PARP11: variants seen among roughly 807,000 people sequenced by gnomAD.
PARP11 encodes the protein protein mono-ADP-ribosyltransferase PARP11.
In PARP11, 31 loss-of-function variants were observed where a neutral mutation model predicts 42.9. The ratio of observed to expected loss-of-function variants is 0.72; its 90% CI spans 0.54 to 0.98. The LOEUF (loss-of-function observed/expected upper bound fraction) is 0.98. Ranked by LOEUF, PARP11 falls within the 50% of genes least tolerant of loss-of-function variation. The probability of loss-of-function intolerance (pLI) is 0.00; values close to 1 mark genes in which losing one functional copy is unlikely to be tolerated. For synonymous variants in PARP11, 137 were observed against 127.3 expected (o/e 1.08, Z -0.51); for missense variants, 365 against 413.1 (o/e 0.88, Z 1.01).
At chr12:3,870,736 A>G (rs1043754185) in intron 1 of PARP11, among the ~76,000 whole-genome samples, 4 of 152,214 alleles carry the variant, frequency 2.6e-5, no homozygotes, top group African/African-American at 9.6e-5. Flanking sequence ...ATCTTACAAT[A>G]TAGTGAAAGA....
At chr12:3,825,528 A>G (rs1947501410) in intron 4 of PARP11, among the ~76,000 whole-genome samples, 1 of 152,210 alleles carries the variant, frequency 6.6e-6, no homozygotes, top group South Asian at 2.1e-4. Context: ...CAAGTTAACA[A>G]TTTAAACTTA....
At chr12:3,824,820 G>A (rs1947482691) in intron 4 of PARP11, 1 of 154,882 alleles carries the variant, frequency 6.5e-6, no homozygotes, top group Admixed American at 6.5e-5. Context: ...ACTTTCTGAA[G>A]ATAAGTAATT....
rs368852660 is a variant in PARP11, at chr12:3,841,685, C to T, written c.19-11667G>A. 7.4e-6 allele frequency: 12 copies of T among 1,613,392 alleles called. No homozygotes were observed. In the African/African-American group the frequency reaches 1.2e-4, roughly 16 times the overall value. ...TCACTGAGTGGCAAGAATATGTTCC[C>T]CCAGCCATCTTTTGGACCCAATCCA... is the stretch of plus-strand genomic sequence containing the variant. On this transcript the variant is annotated intron_variant, in intron 1 of 7. Transcript: ENST00000228820.
At chr12:3,855,805 C>T (rs1948178874) in intron 1 of PARP11, among the ~76,000 whole-genome samples, 1 of 152,134 alleles carries the variant, frequency 6.6e-6, no homozygotes, top group Non-Finnish European at 1.5e-5. Context: ...CAAAAAAGAG[C>T]CCACATTGCC....
chr12:3,826,626 G>C (rs1479548097), intron 3 of PARP11, among the ~76,000 whole-genome samples: 1 of 152,154 alleles, frequency 6.6e-6, no homozygotes, highest in Non-Finnish European at 1.5e-5. Context: ...TTATTAAGAA[G>C]AAAAATGTAC....
At chr12:3,839,473 C>G in intron 1 of PARP11, 1 of 1,612,242 alleles carries the variant, frequency 6.2e-7, no homozygotes, top group Non-Finnish European at 8.5e-7. Context: ...ATTGCACTCT[C>G]AGTCTCGCCA....
intron 1 of PARP11, chr12:3,839,536 T>G: frequency 6.4e-7 from 1 of 1,568,334 alleles, no homozygotes; most frequent in East Asian, 2.2e-5. Flanking sequence ...CAGAGAGAAA[T>G]TTGAAGCGAT....
At chr12:3,870,984 G>A (rs908011416) in intron 1 of PARP11, among the ~76,000 whole-genome samples, 2 of 152,312 alleles carry the variant, frequency 1.3e-5, no homozygotes, top group African/African-American at 4.8e-5. Context: ...GCAGCTTGAA[G>A]AGAGTATTAT....
Position 3,828,995 on chromosome 12 carries a change from T to C in PARP11, c.183A>G (p.Glu61=). Residue 61 remains glutamate, a synonymous_variant, in exon 3 of 8, where the codon GAA becomes GAG. Transcript: ENST00000228820. ...TTGTTTTGAAGCTTTTTTCGATATC[T>C]TCACTGCTAACTGAACACTGACTGT... is the stretch of plus-strand genomic sequence containing the variant. The part of the protein sequence containing the change: ...DTNSQCSVSS[E]DIEKSFKTNP... 6.2e-7 allele frequency: 1 copy of C among 1,614,056 alleles called. No individual in the cohort carries two copies. The highest frequency in any genetic ancestry group is 8.5e-7 in the Non-Finnish European group (1 of 1,179,936).
rs1228720017 is a variant in PARP11 at position 3,812,348 on chromosome 12, G to C, written c.792C>G (p.Ser264Arg). 5 of 1,613,990 alleles carry C rather than the reference G, an allele frequency of 3.1e-6. No homozygotes were observed. The highest frequency in any genetic ancestry group is 1.7e-5 in the Admixed American group (1 of 60,008). Residue 264 changes from serine to arginine, a missense_variant, in exon 8 of 8, where the codon AGC becomes AGG. Coordinates refer to ENST00000228820, the MANE Select transcript of PARP11 (RefSeq NM_020367.6). ...TTCTAAACAGATGCCGCTGTTGCAA[G>C]CTGACACCATGAATTTGGAATGTGT... is the stretch of plus-strand genomic sequence containing the variant. ...HGNTFQIHGV[S>R]LQQRHLFRTY...
At chr12:3,872,561 C>G (rs999502890) in intron 1 of PARP11, 3 of 985,262 alleles carry the variant, frequency 3.0e-6, no homozygotes, top group Non-Finnish European at 1.2e-6. Flanking sequence ...TGCTCCAGAT[C>G]ACTTTGTCCA....
In PARP11 at chr12:3,826,234, C is replaced by G; in HGVS notation, c.269-1G>C. On this transcript the variant is annotated splice_acceptor_variant, in intron 3 of 7. Coordinates refer to ENST00000228820, the MANE Select transcript of PARP11 (RefSeq NM_020367.6). LOFTEE classifies it high-confidence loss of function. ...GTGGTGAGATTCATTTGCTTCATTT[C>G]TGTATACAAAGACAAGATATTAGAT... is the stretch of plus-strand genomic sequence containing the variant. 1 of 1,582,780 alleles carries G rather than the reference C, an allele frequency of 6.3e-7. No individual in the cohort carries two copies. Among genetic ancestry groups the G allele is most frequent in the Non-Finnish European group, 8.6e-7 (1 of 1,169,266 alleles).
intron 4 of PARP11, among the ~76,000 whole-genome samples, chr12:3,822,541 G>C (rs1273853883): frequency 6.7e-6 from 1 of 149,228 alleles, no homozygotes; most frequent in Admixed American, 6.8e-5. Context: ...GGAGCTTGCA[G>C]TGAGCCGAGA....
chr12:3,869,747 C>T (rs1249833158), intron 1 of PARP11, among the ~76,000 whole-genome samples: 23 of 152,154 alleles, frequency 1.5e-4, no homozygotes, highest in Admixed American at 1.5e-3. Flanking sequence ...ATCTTTTTAT[C>T]ACAATTTAAA....
intron 1 of PARP11, among the ~76,000 whole-genome samples, chr12:3,836,608 AC>A (rs1230000700): frequency 6.6e-6 from 1 of 152,244 alleles, no homozygotes; most frequent in East Asian, 1.9e-4. Flanking sequence ...ACAAGTAACT[AC>A]ATAAACCAAT....
chr12:3,813,711 T>C (rs1404512712), intron 7 of PARP11, among the ~76,000 whole-genome samples: 2 of 152,218 alleles, frequency 1.3e-5, no homozygotes, highest in African/African-American at 2.4e-5. Context: ...GTACATCCCA[T>C]ACCTTTTCCC....
chr12:3,840,662 C>A lies in PARP11; in HGVS notation c.19-10644G>T. ...TCCATGTGTCCAGAGAAAATCATCA[C>A]ACGTAAGTGATAGAAAAGGAAGCAG... On this transcript the variant is annotated intron_variant, in intron 1 of 7. Transcript: ENST00000228820. This position sits in a 1 kb window ranked among gnomAD's most constrained non-coding sequence, Gnocchi z 4.4. 8.3e-7 allele frequency: 1 copy of A among 1,198,788 alleles called. No individual in the cohort carries two copies. The highest frequency in any genetic ancestry group is 1.2e-6 in the Non-Finnish European group (1 of 800,694). 74.3% of individuals were successfully genotyped at this position (1,198,788 alleles called of 1,614,324 possible).
At chr12:3,824,722 T>G (rs1459352082) in intron 4 of PARP11, 3 of 516,340 alleles carry the variant, frequency 5.8e-6, no homozygotes, top group Non-Finnish European at 7.5e-6. Flanking sequence ...GTTTCTTGTC[T>G]CCACCAAAGC....
rs1309879392 is a variant in PARP11, at chr12:3,840,689, C to A, written c.19-10671G>T. On this transcript the variant is annotated intron_variant, in intron 1 of 7. Transcript: ENST00000228820. This position sits in a 1 kb window ranked among gnomAD's most constrained non-coding sequence, Gnocchi z 4.4. ...CGTAAGTGATAGAAAAGGAAGCAGG[C>A]GGAGAATGGATACAGAAGAACGAAA... The A allele has an allele frequency of 8.1e-7, 1 of 1,229,366 alleles. No individual in the cohort carries two copies. Among genetic ancestry groups the A allele is most frequent in the Non-Finnish European group, 1.2e-6 (1 of 828,744 alleles). 76.2% of individuals were successfully genotyped at this position (1,229,366 alleles called of 1,614,324 possible).
Sources: allele counts gnomAD v4.1 joint callset (sites outside exome capture counted in the v4.1 genomes callset), GRCh38; gene constraint gnomAD v4.1.1; non-coding constraint Gnocchi (gnomAD v3.1); transcripts MANE v1.5; gene names NCBI Gene and HGNC (gene_info 2026-07-23, HGNC 2026-07-21).